PGBD2: variants seen among roughly 807,000 people sequenced by gnomAD.
PGBD2 encodes piggyBac transposable element derived 2, also known as piggyBac transposable element-derived protein 2.
PGBD2 carries 6 observed loss-of-function variants against 8.1 expected under a neutral mutation model. The observed-to-expected ratio is 0.74, with a 90% CI of 0.40 to 1.46. PGBD2 has a LOEUF of 1.46. Among genes scored for constraint, PGBD2 ranks in the 40% most tolerant of loss-of-function variants. The pLI is 0.02. For synonymous variants in PGBD2, 318 were observed against 272.2 expected, an observed-to-expected ratio of 1.17 and a Z score of -1.66; for missense variants, 802 against 739.0, an observed-to-expected ratio of 1.09 and a Z score of -0.99.
downstream of PGBD2, among the ~76,000 whole-genome samples, chr1:248,921,699 G>A (rs1298510809): frequency 6.6e-6 from 1 of 152,090 alleles, no homozygotes; most frequent in Non-Finnish European, 1.5e-5. Flanking sequence ...GATGTGGATC[G>A]CATTGAATCT....
the PGBD2 span, among the ~76,000 whole-genome samples, chr1:248,875,313 A>AAAAAAAAAAAAAAAAG: frequency 6.8e-6 from 1 of 147,050 alleles, no homozygotes; most frequent in Non-Finnish European, 1.5e-5. Context: ...CAAAACAAAA[A>AAAAAAAAAAAAAAAAG]AAAAAAAAAA....
the PGBD2 span, among the ~76,000 whole-genome samples, chr1:248,928,854 T>C: frequency 6.6e-6 from 1 of 152,232 alleles, no homozygotes; most frequent in African/African-American, 2.4e-5. Flanking sequence ...TCATGTTTTC[T>C]TCTGCCATAT....
At chr1:248,908,584 CT>C (rs1206565884) in intron 1 of PGBD2, among the ~76,000 whole-genome samples, 6 of 152,204 alleles carry the variant, frequency 3.9e-5, no homozygotes, top group African/African-American at 1.2e-4. Context: ...TTTTGTCCAT[CT>C]CCCTGCATCT....
At chr1:248,875,399 A>G in the PGBD2 span, among the ~76,000 whole-genome samples, 1 of 151,992 alleles carries the variant, frequency 6.6e-6, no homozygotes, top group Non-Finnish European at 1.5e-5. Context: ...CAGATATGCC[A>G]TTACTCCATG....
the PGBD2 span, among the ~76,000 whole-genome samples, chr1:248,892,534 T>C: frequency 2.0e-5 from 3 of 151,838 alleles, no homozygotes; most frequent in East Asian, 1.9e-4. Context: ...AGAATAAAAA[T>C]GAAGAGAGTT....
chr1:248,883,412 G>C, the PGBD2 span, among the ~76,000 whole-genome samples: 261 of 152,012 alleles, frequency 1.7e-3, 1 homozygote, highest in Non-Finnish European at 3.3e-3. Flanking sequence ...GTGAGCCACT[G>C]CACCCGGTCC....
the PGBD2 span, among the ~76,000 whole-genome samples, chr1:248,892,859 A>T: frequency 6.6e-6 from 1 of 152,170 alleles, no homozygotes; most frequent in African/African-American, 2.4e-5. Context: ...AGTCAATCAT[A>T]TCTATTTGAC....
At chr1:248,892,255 C>T in the PGBD2 span, among the ~76,000 whole-genome samples, 152 of 118,410 alleles carry the variant, frequency 1.3e-3, no homozygotes, top group African/African-American at 6.9e-3. Context: ...CCCTCCCTCC[C>T]TCCCTCCCTC....
At chr1:248,911,223 T>C (rs112766654) in intron 1 of PGBD2, among the ~76,000 whole-genome samples, 7,257 of 151,480 alleles carry the variant, frequency 0.048, 457 homozygotes, top group East Asian at 0.13. Context: ...GATAAACATG[T>C]GAACAAGGGT....
At chr1:248,874,678 C>T in the PGBD2 span, among the ~76,000 whole-genome samples, 4 of 152,148 alleles carry the variant, frequency 2.6e-5, no homozygotes, top group Admixed American at 6.5e-5. Context: ...GGGTCAGGGC[C>T]GGTCCTAGCT....
the PGBD2 span, among the ~76,000 whole-genome samples, chr1:248,873,117 A>T: frequency 6.6e-6 from 1 of 152,162 alleles, no homozygotes; most frequent in African/African-American, 2.4e-5. Context: ...CGATGTTAAG[A>T]TTCAACGAAT....
upstream of PGBD2, among the ~76,000 whole-genome samples, chr1:248,902,923 G>A (rs1661558992): frequency 6.6e-6 from 1 of 152,048 alleles, no homozygotes; most frequent in Non-Finnish European, 1.5e-5. Context: ...TAATACCTAG[G>A]TGATGGGTTG....
chr1:248,906,033 T>A (rs1229580045), upstream of PGBD2, among the ~76,000 whole-genome samples: 1 of 150,042 alleles, frequency 6.7e-6, no homozygotes, highest in Non-Finnish European at 1.5e-5. Flanking sequence ...AGGACAGGGG[T>A]GGGAGGGTAA....
upstream of PGBD2, among the ~76,000 whole-genome samples, chr1:248,903,723 A>G (rs544102853): frequency 6.6e-6 from 1 of 152,290 alleles, no homozygotes; most frequent in South Asian, 2.1e-4. Context: ...TGATATCTCT[A>G]GTAATTTCCT....
chr1:248,892,605 A>G, the PGBD2 span, among the ~76,000 whole-genome samples: 2 of 152,160 alleles, frequency 1.3e-5, no homozygotes, highest in African/African-American at 4.8e-5. Context: ...CTGGGACTTA[A>G]CTTCTCCTTT....
At chr1:248,891,075 C>T in the PGBD2 span, among the ~76,000 whole-genome samples, 18 of 152,154 alleles carry the variant, frequency 1.2e-4, no homozygotes, top group Non-Finnish European at 2.6e-4. Context: ...CTGACGCATG[C>T]ATGGTAACAT....
At chr1:248,897,434 G>A in the PGBD2 span, among the ~76,000 whole-genome samples, 1 of 151,946 alleles carries the variant, frequency 6.6e-6, no homozygotes, top group African/African-American at 2.4e-5. Flanking sequence ...TACCTTTTCT[G>A]CAGTAAGTAA....
chr1:248,874,232 A>G, the PGBD2 span, among the ~76,000 whole-genome samples: 2,038 of 152,282 alleles, frequency 0.013, 53 homozygotes, highest in African/African-American at 0.046. Flanking sequence ...ATATTGCTAA[A>G]TGACGCATCA....
chr1:248,880,079 G>C, the PGBD2 span, among the ~76,000 whole-genome samples: 1 of 152,138 alleles, frequency 6.6e-6, no homozygotes, highest in Non-Finnish European at 1.5e-5. Context: ...CATAAACCAG[G>C]TGTTTGGCAA....
Sources: gnomAD v4.1 joint callset for allele counts (sites outside exome capture counted in the v4.1 genomes callset) on GRCh38, gnomAD v4.1.1 for gene constraint, MANE v1.5 for transcripts, NCBI Gene and HGNC (gene_info 2026-07-23, HGNC 2026-07-21) for gene names.